The following SLC66A2 variants were observed in gnomAD, a reference collection of about 807,000 sequenced individuals.
SLC66A2 encodes solute carrier family 66 member 2.
A neutral mutation model predicts 25.5 loss-of-function variants in SLC66A2; 23 were observed. The ratio of observed to expected loss-of-function variants is 0.90; its 90% CI spans 0.65 to 1.28. SLC66A2 has a LOEUF of 1.28. Ranked by LOEUF, SLC66A2 falls within the 50% of genes most tolerant of loss-of-function variation. SLC66A2 has a pLI of 0.00. For synonymous variants in SLC66A2, 193 were observed against 166.5 expected (o/e 1.16, Z -1.23); for missense variants, 396 against 373.1 (o/e 1.06, Z -0.51).
At chr18:79,911,227 AGC>A (rs1186927126) in intron 5 of SLC66A2, among the ~76,000 whole-genome samples, 3 of 152,240 alleles carry the variant, frequency 2.0e-5, no homozygotes, top group Non-Finnish European at 4.4e-5. Flanking sequence ...GGGGCTGGTT[AGC>A]CCTGAGGGGC....
chr18:79,914,567 A>ACAC (rs34251308), intron 5 of SLC66A2, among the ~76,000 whole-genome samples: 57,174 of 151,906 alleles, frequency 0.38, 11,831 homozygotes, highest in South Asian at 0.51. Flanking sequence ...AAGGGGAGAG[A>ACAC]CACCCCCTTG....
In SLC66A2 at chr18:79,941,924, G is replaced by T. The variant is rs1174984166; in HGVS notation, c.337+1405C>A. ...AGCAGAAACTCCCAGCAACGCACTGGGCATCTTAGGCACAAACCGTTCTCT... is the reference window on the plus strand; with the variant it reads ...AGCAGAAACTCCCAGCAACGCACTGTGCATCTTAGGCACAAACCGTTCTCT... On this transcript the variant is annotated intron_variant, in intron 3 of 5. Coordinates refer to ENST00000397778, the MANE Select transcript of SLC66A2 (RefSeq NM_025078.5). The surrounding 1 kb of genome is among the most constrained non-coding windows in gnomAD (Gnocchi z 4.1). Among the ~76,000 whole-genome samples, 2 of 152,150 alleles carry T rather than the reference G, an allele frequency of 1.3e-5. No individual in the cohort carries two copies. The highest frequency in any genetic ancestry group is 4.8e-5 in the African/African-American group (2 of 41,420).
Position 79,917,747 on chromosome 18 carries a change from C to T in SLC66A2, c.608+1437G>A, listed in dbSNP as rs147736503. On this transcript the variant is annotated intron_variant, in intron 5 of 5. Transcript: ENST00000397778. The surrounding 1 kb of genome is among the most constrained non-coding windows in gnomAD (Gnocchi z 6.0). ...GGACACCCTCTCGGGCCTCCATGCA[C>T]CCTCGCCCGAGAAACCCCAGCAACC... 2.2e-3 allele frequency among the ~76,000 whole-genome samples: 338 copies of T among 152,102 alleles called. 3 individuals carry two copies. Among genetic ancestry groups the T allele is most frequent in the African/African-American group, 7.7e-3 (319 of 41,442 alleles).
Position 79,941,960 on chromosome 18 carries a change from G to C in SLC66A2, c.337+1369C>G, listed in dbSNP as rs1239489111. On this transcript the variant is annotated intron_variant, in intron 3 of 5. Transcript: ENST00000397778. The surrounding 1 kb of genome is among the most constrained non-coding windows in gnomAD (Gnocchi z 4.1). Reference sequence around the variant, plus strand: ...CACAAACCGTTCTCTCGGCCAGCCGGCCCTCCCACAGTGAGAACATTCTTG... The same window carrying C: ...CACAAACCGTTCTCTCGGCCAGCCGCCCCTCCCACAGTGAGAACATTCTTG... Among the ~76,000 whole-genome samples, 1 of 152,258 alleles carries C rather than the reference G, an allele frequency of 6.6e-6. No individual in the cohort carries two copies. Among genetic ancestry groups the C allele is most frequent in the Non-Finnish European group, 1.5e-5 (1 of 68,052 alleles).
chr18:79,910,931 C>T (rs770257823), intron 5 of SLC66A2, among the ~76,000 whole-genome samples: 9 of 152,240 alleles, frequency 5.9e-5, no homozygotes, highest in Non-Finnish European at 1.2e-4. Flanking sequence ...GCTTTTAGCT[C>T]CCACTGTAAA....
intron 4 of SLC66A2, among the ~76,000 whole-genome samples, chr18:79,932,327 A>C (rs1986649739): frequency 6.6e-6 from 1 of 152,142 alleles, no homozygotes; most frequent in African/African-American, 2.4e-5. Flanking sequence ...CCTCCACCTT[A>C]AGAAAAAGAG....
intron 3 of SLC66A2, among the ~76,000 whole-genome samples, chr18:79,938,127 C>A (rs1452060419): frequency 7.2e-6 from 1 of 139,710 alleles, no homozygotes; most frequent in Non-Finnish European, 1.5e-5. Context: ...GCCTGGGCAA[C>A]AGAGTGAGAC....
rs200227575 is a variant in SLC66A2, at chr18:79,916,252, T to C, written c.608+2932A>G. On this transcript the variant is annotated intron_variant, in intron 5 of 5. Transcript: ENST00000397778. ...CGGCACTCCCGTACCCGTGGTGCTC[T>C]CATAGCCGCAGTGCTCCCGTACCCG... is the stretch of plus-strand genomic sequence containing the variant. 2.9e-3 allele frequency among the ~76,000 whole-genome samples: 121 copies of C among 41,038 alleles called. 7 individuals carry two copies. The highest frequency in any genetic ancestry group is 0.01 in the South Asian group (8 of 762). The allele number at this position is 41,038 out of a possible 152,430, so 26.9% of individuals were successfully genotyped here. A position where few individuals can be genotyped will look rare whatever the true frequency, so the allele number is the denominator to read the frequency against.
rs920466192 is a variant in SLC66A2 at position 79,951,641 on chromosome 18, T to C, written c.-160A>G. 15 of 151,294 alleles carry C rather than the reference T, an allele frequency of 9.9e-5. No individual in the cohort carries two copies. Among genetic ancestry groups the C allele is most frequent in the African/African-American group, 3.6e-4 (15 of 41,198 alleles). The allele number at this position is 151,294 out of a possible 1,614,324, so 9.4% of individuals were successfully genotyped here. On this transcript the variant is annotated 5_prime_UTR_variant, in exon 1 of 6. Transcript: ENST00000397778. ...CCCGCGCCGCTGACCCGCGCGCGTC[T>C]CGGCGTCAGTCCGCTCAGGCGCCGG...
intron 5 of SLC66A2, among the ~76,000 whole-genome samples, chr18:79,907,334 G>GTTTTTTTTTTTTTTTTTTGTTTTTTTT (rs57635823): frequency 3.4e-5 from 4 of 116,896 alleles, no homozygotes; most frequent in South Asian, 2.8e-4. Flanking sequence ...TCTTTGTATA[G>GTTTTTTTTTTTTTTTTTTGTTTTTTTT]TTTTTTTTTT....
chr18:79,935,856 C>T (rs925891396), intron 3 of SLC66A2, among the ~76,000 whole-genome samples: 1 of 152,178 alleles, frequency 6.6e-6, no homozygotes, highest in Admixed American at 6.5e-5. Context: ...GCAGCCCTAG[C>T]CTTTGAGCCT....
At chr18:79,914,517 A>G (rs940396128) in intron 5 of SLC66A2, among the ~76,000 whole-genome samples, 1 of 152,206 alleles carries the variant, frequency 6.6e-6, no homozygotes, top group Middle Eastern at 3.4e-3. Context: ...GTGGCCCCGG[A>G]GGAACAGGCA....
intron 5 of SLC66A2, among the ~76,000 whole-genome samples, chr18:79,916,263 G>A (rs1374584939): frequency 2.2e-5 from 1 of 44,922 alleles, no homozygotes; most frequent in Non-Finnish European, 6.2e-5. Context: ...CATAGCCGCA[G>A]TGCTCCCGTA....
At chr18:79,923,105 C>G (rs973940712) in intron 4 of SLC66A2, among the ~76,000 whole-genome samples, 1 of 151,466 alleles carries the variant, frequency 6.6e-6, no homozygotes, top group Non-Finnish European at 1.5e-5. Context: ...GCATGGTACG[C>G]GGCACCTCCC....
In SLC66A2 at chr18:79,950,933, G is replaced by A. The variant is rs895011599; in HGVS notation, c.-7C>T. ...CCAGGCCCTCGGCCTCCATCGCAGC[G>A]CCCGCCTGGCCGAGGCTGTCACGGG... On this transcript the variant is annotated 5_prime_UTR_variant, in exon 2 of 6. Coordinates refer to ENST00000397778, the MANE Select transcript of SLC66A2 (RefSeq NM_025078.5). The A allele has an allele frequency of 3.3e-6, 5 of 1,538,130 alleles. No homozygotes were observed. The highest frequency in any genetic ancestry group is 4.4e-6 in the Non-Finnish European group (5 of 1,139,728).
intron 2 of SLC66A2, among the ~76,000 whole-genome samples, chr18:79,945,454 C>T (rs1213717865): frequency 6.6e-6 from 1 of 152,170 alleles, no homozygotes; most frequent in Non-Finnish European, 1.5e-5. Flanking sequence ...CAGGCAGGCA[C>T]ACAAGCTGTA....
chr18:79,945,946 CT>C (rs983398750), intron 2 of SLC66A2, among the ~76,000 whole-genome samples: 16 of 152,220 alleles, frequency 1.1e-4, no homozygotes, highest in Admixed American at 4.6e-4. Context: ...GGCCAGTCCC[CT>C]GGGACACACG....
rs543648304 is a variant in SLC66A2 at position 79,916,793 on chromosome 18, A to G, written c.608+2391T>C. The stretch of plus-strand genomic sequence containing the variant: ...GTCTGTCCTTTAAAATGCTCTTTGT[A>G]AAATATCAGCAACCGTGTTTCCCAG... On this transcript the variant is annotated intron_variant, in intron 5 of 5. Transcript: ENST00000397778. Among the ~76,000 whole-genome samples, 154 of 152,368 alleles carry G rather than the reference A, an allele frequency of 1.0e-3. 3 individuals are homozygous for G. In the South Asian group the frequency reaches 0.023, roughly 23 times the overall value.
chr18:79,922,523 C>A, intron 4 of SLC66A2, among the ~76,000 whole-genome samples: 1 of 152,056 alleles, frequency 6.6e-6, no homozygotes, highest in East Asian at 1.9e-4. Flanking sequence ...GCCACGGTGC[C>A]GCTCAGTAAA....
Sources: allele counts gnomAD v4.1 joint callset (sites outside exome capture counted in the v4.1 genomes callset), GRCh38; gene constraint gnomAD v4.1.1; non-coding constraint Gnocchi (gnomAD v3.1); transcripts MANE v1.5; gene names NCBI Gene and HGNC (gene_info 2026-07-23, HGNC 2026-07-21).